LUC7L3: variants seen among roughly 807,000 people sequenced by gnomAD.
LUC7L3 encodes LUC7 like 3 pre-mRNA splicing factor.
A neutral mutation model predicts 66.8 loss-of-function variants in LUC7L3; 6 were observed. That is an observed-to-expected ratio of 0.09 (90% CI 0.05 to 0.18). The LOEUF (loss-of-function observed/expected upper bound fraction) is 0.18. Ranked by LOEUF, LUC7L3 falls within the 10% of genes least tolerant of loss-of-function variation. The probability of loss-of-function intolerance (pLI) is 1.00; values close to 1 mark genes in which losing one functional copy is unlikely to be tolerated. For missense variants in LUC7L3, 341 were observed against 531.1 expected, an observed-to-expected ratio of 0.64 and a Z score of 3.52; for synonymous variants, 160 against 174.7, an observed-to-expected ratio of 0.92 and a Z score of 0.66.
rs1054932367 is a variant in LUC7L3, at chr17:50,719,611, G to A, written c.-122G>A. 2.7e-6 allele frequency: 2 copies of A among 736,658 alleles called. No individual in the cohort carries two copies. The highest frequency in any genetic ancestry group is 3.7e-5 in the African/African-American group (2 of 54,428). 45.6% of individuals were successfully genotyped at this position (736,658 alleles called of 1,614,324 possible). Reference sequence around the variant, plus strand: ...CGCGCGGCGGCCATTTTGTCTTGTCGGCTCCTGTGTGTAGGAGGGATTTCG... The same window carrying A: ...CGCGCGGCGGCCATTTTGTCTTGTCAGCTCCTGTGTGTAGGAGGGATTTCG... On this transcript the variant is annotated 5_prime_UTR_variant, in exon 1 of 10. Coordinates refer to ENST00000505658, the MANE Select transcript of LUC7L3 (RefSeq NM_016424.5).
intron 5 of LUC7L3, 72 bp downstream of exon 5, chr17:50,741,803 G>A (rs1363460191): frequency 3.5e-6 from 4 of 1,154,422 alleles, no homozygotes. Context: ...TACAAGGATG[G>A]GCCAGGCATG....
At chr17:50,744,437 C>T (rs1338530855) in intron 6 of LUC7L3, among the ~76,000 whole-genome samples, 1 of 152,174 alleles carries the variant, frequency 6.6e-6, no homozygotes, top group Admixed American at 6.5e-5. Flanking sequence ...AACAGTGGGT[C>T]TCAACATTTC....
rs1356265202 is a variant in LUC7L3 at position 50,753,484 on chromosome 17, C to G, written c.*2823C>G. Reference sequence around the variant, plus strand: ...ACTTTGAAAAATAATGAAGCCGCCCCCACTTTAGAGGCTCTGTATGAAAAA... The same window carrying G: ...ACTTTGAAAAATAATGAAGCCGCCCGCACTTTAGAGGCTCTGTATGAAAAA... On this transcript the variant is annotated 3_prime_UTR_variant, in exon 10 of 10. Coordinates refer to ENST00000505658, the MANE Select transcript of LUC7L3 (RefSeq NM_016424.5). 6.6e-6 allele frequency: 1 copy of G among 152,234 alleles called. No individual in the cohort carries two copies. Among genetic ancestry groups the G allele is most frequent in the Non-Finnish European group, 1.5e-5 (1 of 68,010 alleles). 9.4% of individuals were successfully genotyped at this position (152,234 alleles called of 1,614,324 possible). A position where few individuals can be genotyped will look rare whatever the true frequency, so the allele number is the denominator to read the frequency against.
chr17:50,737,059 T>C, intron 2 of LUC7L3, 33 bp downstream of exon 2: 2 of 1,493,042 alleles, frequency 1.3e-6, no homozygotes, highest in Non-Finnish European at 1.8e-6. Flanking sequence ...TTTTATCAAA[T>C]TTATGATATT....
At position 50,746,665 on chromosome 17, in the gene LUC7L3, T is replaced by C; in HGVS notation, c.1101T>C (p.Ser367=). The C allele has an allele frequency of 6.2e-7, 1 of 1,613,956 alleles. No homozygotes were observed. The highest frequency in any genetic ancestry group is 8.5e-7 in the Non-Finnish European group (1 of 1,179,920). Residue 367 remains serine, a synonymous_variant, in exon 9 of 10, where the codon AGT becomes AGC. Coordinates refer to ENST00000505658, the MANE Select transcript of LUC7L3 (RefSeq NM_016424.5). ...DRKSYKHRSK[S]RDREQDRKSK... ...AGTCATATAAGCACAGGAGCAAAAG[T>C]CGGGACAGAGAACAAGATAGAAAAT...
chr17:50,722,188 A>ATTTTTT (rs1371025266), intron 1 of LUC7L3: 17 of 66,272 alleles, frequency 2.6e-4, no homozygotes, highest in African/African-American at 5.5e-4. Context: ...CCTCTTATGC[A>ATTTTTT]TTCTTTTTTT....
intron 1 of LUC7L3, among the ~76,000 whole-genome samples, chr17:50,727,020 CG>C (rs1969237222): frequency 6.6e-6 from 1 of 151,800 alleles, no homozygotes; most frequent in African/African-American, 2.4e-5. Context: ...ACCCGGGAGG[CG>C]GAGGTTGCAG....
At chr17:50,739,081 G>A (rs765413652) in intron 2 of LUC7L3, among the ~76,000 whole-genome samples, 2 of 152,026 alleles carry the variant, frequency 1.3e-5, no homozygotes, top group Non-Finnish European at 2.9e-5. Flanking sequence ...TATCTCCCAC[G>A]GGCCTTTTCT....
chr17:50,741,384 T>G (rs1251996076), intron 4 of LUC7L3, 138 bp downstream of exon 4: 3 of 874,442 alleles, frequency 3.4e-6, no homozygotes, highest in East Asian at 5.5e-5. Flanking sequence ...GGCATTCATT[T>G]TTTTTCCAGT....
At position 50,719,824 on chromosome 17, in the gene LUC7L3, A is replaced by G; in HGVS notation, c.92A>G (p.His31Arg). The change falls in exon 1 of 10, where the codon CAC becomes CGC. Residue 31 changes from histidine to arginine, a missense_variant. His to Arg is a conservative substitution (Grantham distance 29). Coordinates refer to ENST00000505658, the MANE Select transcript of LUC7L3 (RefSeq NM_016424.5). ...AAGCGCAGCAACGTGCGGTGGGACC[A>G]CGAGAGCGTAAGTCCCGCGGGCCTT... is the stretch of plus-strand genomic sequence containing the variant. ...DEKRSNVRWD[H>R]ESVCKYYLCG... 1.3e-6 allele frequency: 2 copies of G among 1,599,226 alleles called. No homozygotes were observed. The highest frequency in any genetic ancestry group is 1.7e-6 in the Non-Finnish European group (2 of 1,175,734).
At chr17:50,743,071 T>G (rs905103189) in intron 5 of LUC7L3, among the ~76,000 whole-genome samples, 1 of 152,158 alleles carries the variant, frequency 6.6e-6, no homozygotes, top group Non-Finnish European at 1.5e-5. Context: ...GGATTGTGTT[T>G]AGGATTCAGG....
intron 1 of LUC7L3, among the ~76,000 whole-genome samples, chr17:50,725,035 G>C (rs1454253206): frequency 3.9e-5 from 6 of 152,148 alleles, no homozygotes. Flanking sequence ...TGGGATTACA[G>C]GGGTGAGCCA....
intron 2 of LUC7L3, among the ~76,000 whole-genome samples, chr17:50,739,060 C>G (rs1970176321): frequency 6.6e-6 from 1 of 152,082 alleles, no homozygotes; most frequent in Non-Finnish European, 1.5e-5. Flanking sequence ...TATACAGGGT[C>G]TCAACTGATT....
chr17:50,725,853 C>CTT (rs1046570243), intron 1 of LUC7L3, among the ~76,000 whole-genome samples: 1 of 152,106 alleles, frequency 6.6e-6, no homozygotes, highest in Admixed American at 6.6e-5. Flanking sequence ...AAAAGTTAAA[C>CTT]TTTATAAAAA....
chr17:50,751,936 T>C lies in LUC7L3; in HGVS notation c.*1275T>C. 1 of 1,035,980 alleles carries C rather than the reference T, an allele frequency of 9.7e-7. No individual in the cohort carries two copies. The highest frequency in any genetic ancestry group is 1.2e-6 in the Non-Finnish European group (1 of 859,924). The allele number at this position is 1,035,980 out of a possible 1,614,324, so 64.2% of individuals were successfully genotyped here. On this transcript the variant is annotated 3_prime_UTR_variant, in exon 10 of 10. Transcript: ENST00000505658. Reference sequence around the variant, plus strand: ...ACAAAATATTCCTAATGAAAGGAAGTACCAATTAGTTGATTTGTTGGTGGC... The same window carrying C: ...ACAAAATATTCCTAATGAAAGGAAGCACCAATTAGTTGATTTGTTGGTGGC...
intron 1 of LUC7L3, chr17:50,723,930 C>T (rs1033118198): frequency 2.2e-6 from 1 of 454,730 alleles, no homozygotes; most frequent in South Asian, 1.6e-5. Flanking sequence ...CCACTGCGCC[C>T]GGCTGGCATT....
rs189246750 is a variant in LUC7L3, at chr17:50,744,532, T to C, written c.532-120T>C. ...CCACTTGTAGTCCAATATTACTGAT[T>C]TGGGGAAATGGAAAAGAGCAATTCA... On this transcript the variant is annotated intron_variant, in intron 6 of 9. Coordinates refer to ENST00000505658, the MANE Select transcript of LUC7L3 (RefSeq NM_016424.5). 1.1e-5 allele frequency: 10 copies of C among 897,766 alleles called. No individual in the cohort carries two copies. In the Admixed American group the frequency reaches 3.0e-4, roughly 27 times the overall value. The allele number at this position is 897,766 out of a possible 1,614,324, so 55.6% of individuals were successfully genotyped here. A position where few individuals can be genotyped will look rare whatever the true frequency, so the allele number is the denominator to read the frequency against.
intron 7 of LUC7L3, among the ~76,000 whole-genome samples, chr17:50,745,292 C>G (rs1404677695): frequency 6.6e-6 from 1 of 152,118 alleles, no homozygotes; most frequent in Non-Finnish European, 1.5e-5. Context: ...TAAATTTCTT[C>G]TAAAGATACA....
At chr17:50,746,063 A>G (rs1970648036) in intron 8 of LUC7L3, 60 bp downstream of exon 8, 2 of 1,515,852 alleles carry the variant, frequency 1.3e-6, no homozygotes, top group Non-Finnish European at 1.8e-6. Flanking sequence ...AACAATAATA[A>G]CTACTAGTAT....
Sources: allele counts gnomAD v4.1 joint callset (sites outside exome capture counted in the v4.1 genomes callset), GRCh38; gene constraint gnomAD v4.1.1; transcripts MANE v1.5; gene names NCBI Gene and HGNC (gene_info 2026-07-23, HGNC 2026-07-21).